The following IFNL2 variants were observed in gnomAD, a reference collection of about 807,000 sequenced individuals.
IFNL2 encodes the protein interferon lambda-2.
In IFNL2, 17 loss-of-function variants were observed where a neutral mutation model predicts 18.7. The observed-to-expected ratio is 0.91, with a 90% CI of 0.62 to 1.36. The LOEUF (loss-of-function observed/expected upper bound fraction) is 1.36. IFNL2 is among the 40% of genes most tolerant of loss of function. The pLI, the probability that IFNL2 is intolerant of heterozygous loss-of-function variation, is 0.00. For missense variants in IFNL2, 225 were observed against 257.3 expected, an observed-to-expected ratio of 0.87 and a Z score of 0.86; for synonymous variants, 96 against 113.4, an observed-to-expected ratio of 0.85 and a Z score of 0.98.
At chr19:39,269,054 A>G in intron 2 of IFNL2, 98 bp from the exon 3 acceptor site, 1 of 1,434,368 alleles carries the variant, frequency 7.0e-7, no homozygotes, top group South Asian at 1.3e-5. Context: ...CCCAGCAGTT[A>G]ACCTCCCCTA....
Position 39,269,520 on chromosome 19 carries a change from G to A in IFNL2, c.303G>A (p.Glu101=), listed in dbSNP as rs763578475. ...VRERPMALEA[E]LALTLKVLEA... ...AGCGCCCCATGGCTTTGGAGGCTGA[G>A]CTGGCCCTGACGCTGAAGGTTCTGG... is the stretch of plus-strand genomic sequence containing the variant. The change falls in exon 4 of 6, where the codon GAG becomes GAA. Residue 101 remains glutamate, a synonymous_variant. Transcript: ENST00000331982. The A allele has an allele frequency of 1.9e-6, 3 of 1,614,210 alleles. No individual in the cohort carries two copies. The highest frequency in any genetic ancestry group is 2.5e-6 in the Non-Finnish European group (3 of 1,180,046).
Position 39,269,773 on chromosome 19 carries a change from G to A in IFNL2, c.456G>A (p.Arg152=), listed in dbSNP as rs1340440566. ...AGCCCACGGCAGGGCCCAGGACCCG[G>A]GGCCGCCTCCACCATTGGCTGTACC... ...QPQPTAGPRT[R]GRLHHWLYRL... The change falls in exon 5 of 6, where the codon CGG becomes CGA. Residue 152 remains arginine, a synonymous_variant. Transcript: ENST00000331982. 3 of 1,609,634 alleles carry A rather than the reference G, an allele frequency of 1.9e-6. No individual in the cohort carries two copies. Among genetic ancestry groups the A allele is most frequent in the Non-Finnish European group, 2.5e-6 (3 of 1,178,470 alleles).
At chr19:39,269,709 G>T in intron 4 of IFNL2, 29 bp from the exon 5 acceptor site, 2 of 1,606,312 alleles carry the variant, frequency 1.2e-6, no homozygotes. Flanking sequence ...CAAGGCCCCG[G>T]CTCACACACC....
chr19:39,269,711 TCACA>T (rs753673938), intron 4 of IFNL2, 23 bp from the exon 5 acceptor site: 2 of 1,606,030 alleles, frequency 1.2e-6, no homozygotes, highest in Non-Finnish European at 1.7e-6. Context: ...AGGCCCCGGC[TCACA>T]CACCGCCCTC....
At position 39,268,740 on chromosome 19, in the gene IFNL2, C is replaced by T. The variant is rs1442692869; in HGVS notation, c.74C>T (p.Ala25Val). The change falls in exon 2 of 6, where the codon GCA becomes GTA. Residue 25 changes from alanine (A) to valine (V), a missense_variant. Ala to Val is a moderately conservative substitution (Grantham distance 64). Coordinates refer to ENST00000331982, the MANE Select transcript of IFNL2 (RefSeq NM_172138.2). ...GCCGCAGTGCTGACCGTGACTGGAG[C>T]AGTTCCTGTCGCCAGGCTCCACGGG... ...LMAAVLTVTG[A>V]VPVARLHGAL... The T allele has an allele frequency of 1.9e-6, 3 of 1,613,306 alleles. No homozygotes were observed. Among genetic ancestry groups the T allele is most frequent in the Admixed American group, 1.7e-5 (1 of 60,018 alleles).
rs540965298 is a variant in IFNL2, at chr19:39,268,948, G to A, written c.192+90G>A. On this transcript the variant is annotated intron_variant, in intron 2 of 5. Coordinates refer to ENST00000331982, the MANE Select transcript of IFNL2 (RefSeq NM_172138.2). ...TTTCCCACTCCCAGCTTCCTTCACT[G>A]GGCTAGCCTCCACCCTCCCTGCAGT... 2.4e-4 allele frequency: 357 copies of A among 1,504,364 alleles called. 2 individuals are homozygous for A. The African/African-American group carries it at 4.6e-3, about 19-fold the overall frequency. The allele number at this position is 1,504,364 out of a possible 1,614,324, so 93.2% of individuals were successfully genotyped here.
rs763856210 is a variant in IFNL2 at position 39,270,017 on chromosome 19, T to C, written c.*4T>C. The stretch of plus-strand genomic sequence containing the variant: ...CAGTGGGGACCTGTGTGTCTGACCC[T>C]CCCACCAGTCATGCAACCTGAGATT... On this transcript the variant is annotated 3_prime_UTR_variant, in exon 6 of 6. Coordinates refer to ENST00000331982, the MANE Select transcript of IFNL2 (RefSeq NM_172138.2). 8.8e-6 allele frequency: 14 copies of C among 1,586,360 alleles called. No homozygotes were observed. The highest frequency in any genetic ancestry group is 1.0e-5 in the Non-Finnish European group (12 of 1,165,754).
Position 39,270,064 on chromosome 19 carries a change from G to A in IFNL2, c.*51G>A, listed in dbSNP as rs1308817577. On this transcript the variant is annotated 3_prime_UTR_variant, in exon 6 of 6. Transcript: ENST00000331982. The stretch of plus-strand genomic sequence containing the variant: ...GATTTTATTTATAAATTAGCCACTT[G>A]TCTTAATTTATTGCCACCCAGTCGC... 6.5e-7 allele frequency: 1 copy of A among 1,540,700 alleles called. No homozygotes were observed. The highest frequency in any genetic ancestry group is 1.2e-5 in the South Asian group (1 of 83,728).
intron 3 of IFNL2, 114 bp from the exon 4 acceptor site, chr19:39,269,374 A>T: frequency 2.0e-6 from 3 of 1,502,628 alleles, no homozygotes; most frequent in Non-Finnish European, 2.7e-6. Flanking sequence ...ACCTGACCAC[A>T]CTGGCTGTGC....
chr19:39,268,610 C>T (rs1233230343), intron 1 of IFNL2, 32 bp downstream of exon 1: 1 of 1,613,612 alleles, frequency 6.2e-7, no homozygotes, highest in African/African-American at 1.3e-5. Context: ...GTGCTCAGCT[C>T]CTGCAGCCCC....
At chr19:39,268,928 C>A in intron 2 of IFNL2, 70 bp downstream of exon 2, 1 of 1,551,870 alleles carries the variant, frequency 6.4e-7, no homozygotes, top group Non-Finnish European at 8.7e-7. Flanking sequence ...CATGCTTTCC[C>A]ACTCCCAGCT....
Position 39,268,776 on chromosome 19 carries a change from A to C in IFNL2, c.110A>C (p.Asp37Ala), listed in dbSNP as rs1269441507. ...GCCAGGCTCCACGGGGCTCTCCCGG[A>C]TGCAAGGGGCTGCCACATAGCCCAG... ...PVARLHGALP[D>A]ARGCHIAQFK... Residue 37 changes from aspartate to alanine, a missense_variant, in exon 2 of 6, where the codon GAT (aspartate) becomes GCT (alanine). Physicochemically the swap from Asp to Ala is moderately radical, Grantham distance 126. Coordinates refer to ENST00000331982, the MANE Select transcript of IFNL2 (RefSeq NM_172138.2). The C allele has an allele frequency of 1.9e-6, 3 of 1,613,640 alleles. No homozygotes were observed. The highest frequency in any genetic ancestry group is 2.5e-6 in the Non-Finnish European group (3 of 1,179,836).
intron 2 of IFNL2, 136 bp downstream of exon 2, chr19:39,268,994 T>G (rs979790736): frequency 3.6e-6 from 5 of 1,373,050 alleles, no homozygotes; most frequent in Non-Finnish European, 5.0e-6. Flanking sequence ...ATGCTCCTAC[T>G]GTAGGGACTG....
At position 39,269,538 on chromosome 19, in the gene IFNL2, G is replaced by C. The variant is rs754182150; in HGVS notation, c.321G>C (p.Lys107Asn). The change falls in exon 4 of 6, where the codon AAG (lysine) becomes AAC (asparagine). Residue 107 changes from lysine to asparagine, a missense_variant. Coordinates refer to ENST00000331982, the MANE Select transcript of IFNL2 (RefSeq NM_172138.2). Reference sequence around the variant, plus strand: ...AGGCTGAGCTGGCCCTGACGCTGAAGGTTCTGGAGGCCACCGCTGACACTG... The same window carrying C: ...AGGCTGAGCTGGCCCTGACGCTGAACGTTCTGGAGGCCACCGCTGACACTG... ...ALEAELALTL[K>N]VLEATADTDP... 5 of 1,614,220 alleles carry C rather than the reference G, an allele frequency of 3.1e-6. No homozygotes were observed. In the South Asian group the frequency reaches 5.5e-5, roughly 18 times the overall value.
Position 39,269,616 on chromosome 19 carries a change from C to T in IFNL2, c.399C>T (p.Ile133=), listed in dbSNP as rs2075028197. The T allele has an allele frequency of 6.2e-7, 1 of 1,614,200 alleles. No individual in the cohort carries two copies. The highest frequency in any genetic ancestry group is 2.2e-5 in the East Asian group (1 of 44,886). Reference sequence around the variant, plus strand: ...AGCCCCTTCACACCCTGCACCATATCCTCTCCCAGTTCCGGGCCTGTGTGA... The same window carrying T: ...AGCCCCTTCACACCCTGCACCATATTCTCTCCCAGTTCCGGGCCTGTGTGA... ...LDQPLHTLHH[I]LSQFRACIQP... Residue 133 remains isoleucine, a synonymous_variant, in exon 4 of 6, where the codon ATC becomes ATT. Transcript: ENST00000331982.
intron 1 of IFNL2, 41 bp from the exon 2 acceptor site, chr19:39,268,636 G>A (rs763362063): frequency 1.9e-6 from 3 of 1,613,882 alleles, no homozygotes; most frequent in South Asian, 2.2e-5. Flanking sequence ...TCAGTGGGCA[G>A]CCTCTCCATC....
At position 39,269,653 on chromosome 19, in the gene IFNL2, C is replaced by T; in HGVS notation, c.420+16C>T. ...CCGGGCCTGTGTGAGTCGTTGGGGCCTGGGCACCCAGGTCTGTGAGCTCTG... is the reference window on the plus strand; with the variant it reads ...CCGGGCCTGTGTGAGTCGTTGGGGCTTGGGCACCCAGGTCTGTGAGCTCTG... On this transcript the variant is annotated intron_variant, in intron 4 of 5. Coordinates refer to ENST00000331982, the MANE Select transcript of IFNL2 (RefSeq NM_172138.2). The T allele has an allele frequency of 1.2e-6, 2 of 1,613,282 alleles. No homozygotes were observed. Among genetic ancestry groups the T allele is most frequent in the Non-Finnish European group, 1.7e-6 (2 of 1,179,410 alleles).
At chr19:39,269,414 G>C (rs139608275) in intron 3 of IFNL2, 74 bp from the exon 4 acceptor site, 20,684 of 1,570,236 alleles carry the variant, frequency 0.013, 172 homozygotes, top group Non-Finnish European at 0.015. Context: ...ACCTTCACTT[G>C]TTCCTCTCTA....
chr19:39,269,644 C>T lies in IFNL2; in HGVS notation c.420+7C>T, dbSNP rs748951377. On this transcript the variant is annotated splice_region_variant and intron_variant, in intron 4 of 5. Coordinates refer to ENST00000331982, the MANE Select transcript of IFNL2 (RefSeq NM_172138.2). ...CTCCCAGTTCCGGGCCTGTGTGAGT[C>T]GTTGGGGCCTGGGCACCCAGGTCTG... 57 of 1,613,534 alleles carry T rather than the reference C, an allele frequency of 3.5e-5. No individual in the cohort carries two copies. The highest frequency in any genetic ancestry group is 5.0e-5 in the Admixed American group (3 of 59,988).
Sources: gnomAD v4.1 joint callset for allele counts on GRCh38, gnomAD v4.1.1 for gene constraint, MANE v1.5 for transcripts, NCBI Gene and HGNC (gene_info 2026-07-23, HGNC 2026-07-21) for gene names.